RANBP2: variants seen among roughly 807,000 people sequenced by gnomAD.
The protein encoded by RANBP2 is RAN binding protein 2.
Under a neutral mutation model 303.6 loss-of-function variants are expected in RANBP2, and 57 were observed. The ratio of observed to expected loss-of-function variants is 0.19; its 90% CI spans 0.15 to 0.23. The LOEUF (loss-of-function observed/expected upper bound fraction) is 0.23, where lower values mean the gene tolerates loss of function less well. Among genes scored for constraint, RANBP2 ranks in the 10% least tolerant of loss-of-function variants. RANBP2 has a pLI of 1.00. For missense variants in RANBP2, 3,138 were observed against 3,780.8 expected (o/e 0.83, Z 4.46); for synonymous variants, 1,167 against 1,301.5 (o/e 0.90, Z 2.23).
the RANBP2 span, among the ~76,000 whole-genome samples, chr2:109,041,266 T>C: frequency 1.3e-5 from 2 of 152,176 alleles, no homozygotes; most frequent in African/African-American, 4.8e-5. Context: ...TCAAAGATAA[T>C]GGTAGTTTCT....
the RANBP2 span, among the ~76,000 whole-genome samples, chr2:109,026,927 G>A: frequency 9.9e-5 from 15 of 152,120 alleles, no homozygotes; most frequent in East Asian, 5.8e-4. Context: ...GGTGGTGGGC[G>A]TCTCAAAAAA....
the RANBP2 span, among the ~76,000 whole-genome samples, chr2:109,169,694 A>G: frequency 9.2e-5 from 14 of 152,052 alleles, no homozygotes; most frequent in Admixed American, 7.2e-4. Flanking sequence ...GTTTGGCTAT[A>G]TCTCTCTCTC....
the RANBP2 span, among the ~76,000 whole-genome samples, chr2:108,993,906 A>G: frequency 2.0e-5 from 3 of 152,150 alleles, no homozygotes; most frequent in Non-Finnish European, 4.4e-5. Context: ...CAAGGTGCCC[A>G]GCAGACCCAG....
the RANBP2 span, among the ~76,000 whole-genome samples, chr2:109,012,914 A>T: frequency 2.8e-4 from 42 of 152,320 alleles, no homozygotes; most frequent in African/African-American, 1.0e-3. Flanking sequence ...ACTCCATCTC[A>T]GAAAACAACA....
the RANBP2 span, among the ~76,000 whole-genome samples, chr2:109,714,493 G>A: frequency 6.6e-6 from 1 of 151,730 alleles, no homozygotes; most frequent in Non-Finnish European, 1.5e-5. Context: ...GTAGAGATGG[G>A]GTTTCACCAT....
At chr2:109,622,652 C>T in the RANBP2 span, among the ~76,000 whole-genome samples, 1 of 151,484 alleles carries the variant, frequency 6.6e-6, no homozygotes, top group African/African-American at 2.4e-5. Flanking sequence ...TTTGTTTAGG[C>T]TCACCTCCCC....
the RANBP2 span, among the ~76,000 whole-genome samples, chr2:109,074,084 A>C: frequency 1.3e-5 from 2 of 150,832 alleles, 1 homozygote; most frequent in African/African-American, 4.8e-5. Context: ...GTTTTAAAAA[A>C]ATGGCAATAT....
chr2:109,175,897 AT>A, the RANBP2 span, among the ~76,000 whole-genome samples: 1 of 152,236 alleles, frequency 6.6e-6, no homozygotes. Flanking sequence ...GCACTAATTA[AT>A]TTTTTTCCAG....
intron 4 of RANBP2, among the ~76,000 whole-genome samples, chr2:108,733,394 A>G (rs909478925): frequency 1.3e-5 from 2 of 151,198 alleles, no homozygotes; most frequent in East Asian, 3.9e-4. Flanking sequence ...CGGCCTCCCA[A>G]AGTGCTGGGA....
the RANBP2 span, among the ~76,000 whole-genome samples, chr2:109,376,251 A>T: frequency 6.6e-6 from 1 of 152,230 alleles, no homozygotes. Context: ...TGCCTGGGTG[A>T]GGTTTGCAGT....
chr2:109,121,437 C>A, the RANBP2 span, among the ~76,000 whole-genome samples: 1,460 of 152,312 alleles, frequency 9.6e-3, 37 homozygotes, highest in African/African-American at 0.033. Context: ...AGAAAAAATA[C>A]CTGCAATTAA....
At chr2:109,354,151 C>T in the RANBP2 span, among the ~76,000 whole-genome samples, 5 of 152,090 alleles carry the variant, frequency 3.3e-5, no homozygotes, top group African/African-American at 1.2e-4. Flanking sequence ...AGTTTCTGAA[C>T]TATTCCCTTT....
chr2:108,811,247 C>CTCTCTTTTTTTTTTTTTTTTTT, the RANBP2 span, among the ~76,000 whole-genome samples: 4 of 113,900 alleles, frequency 3.5e-5, no homozygotes, highest in African/African-American at 1.5e-4. Flanking sequence ...TTCTCTCTCT[C>CTCTCTTTTTTTTTTTTTTTTTT]TTTTTTTTTT....
At chr2:108,909,566 G>A in the RANBP2 span, among the ~76,000 whole-genome samples, 1 of 152,172 alleles carries the variant, frequency 6.6e-6, no homozygotes, top group Non-Finnish European at 1.5e-5. Context: ...GCACTGTTGC[G>A]GGGGTGTCCT....
the RANBP2 span, among the ~76,000 whole-genome samples, chr2:109,325,480 A>G: frequency 1.3e-5 from 2 of 151,800 alleles, no homozygotes; most frequent in South Asian, 4.2e-4. Context: ...AGATGGGACT[A>G]CAGGCATGTG....
the RANBP2 span, among the ~76,000 whole-genome samples, chr2:109,362,216 G>A: frequency 1.6e-4 from 25 of 151,988 alleles, no homozygotes; most frequent in Non-Finnish European, 3.2e-4. Flanking sequence ...AAATTTCCCT[G>A]TAGGTGCTAC....
At chr2:109,642,111 A>G in the RANBP2 span, among the ~76,000 whole-genome samples, 3 of 151,988 alleles carry the variant, frequency 2.0e-5, no homozygotes, top group Admixed American at 2.0e-4. Flanking sequence ...GTATTTTAAT[A>G]GAGACAGGGT....
chr2:109,683,754 A>T, the RANBP2 span, among the ~76,000 whole-genome samples: 1 of 151,782 alleles, frequency 6.6e-6, no homozygotes, highest in African/African-American at 2.4e-5. Flanking sequence ...TCTCCACCCG[A>T]CCTTTTGTGA....
chr2:108,906,483 C>G, the RANBP2 span: 1 of 1,053,242 alleles, frequency 9.5e-7, no homozygotes, highest in Non-Finnish European at 1.5e-6. Flanking sequence ...AGAGACGCTG[C>G]ACACAGCCCC....
Sources: allele counts gnomAD v4.1 joint callset (sites outside exome capture counted in the v4.1 genomes callset), GRCh38; gene constraint gnomAD v4.1.1; transcripts MANE v1.5; gene names NCBI Gene and HGNC (gene_info 2026-07-23, HGNC 2026-07-21).